CCDC38: variants seen among roughly 807,000 people sequenced by gnomAD.
The protein encoded by CCDC38 is coiled-coil domain containing 38.
A neutral mutation model predicts 72.8 loss-of-function variants in CCDC38; 69 were observed. That is an observed-to-expected ratio of 0.95 (90% CI 0.78 to 1.16). The LOEUF is 1.16. Ranked by LOEUF, CCDC38 falls within the 50% of genes most tolerant of loss-of-function variation. The pLI, the probability that CCDC38 is intolerant of heterozygous loss-of-function variation, is 0.00. For missense variants in CCDC38, 626 were observed against 638.9 expected, an observed-to-expected ratio of 0.98 and a Z score of 0.22; for synonymous variants, 201 against 213.2, an observed-to-expected ratio of 0.94 and a Z score of 0.50.
intron 1 of CCDC38, among the ~76,000 whole-genome samples, 168 bp downstream of exon 1, chr12:95,942,263 T>A (rs939402623): frequency 7.2e-5 from 11 of 152,090 alleles, no homozygotes; most frequent in Non-Finnish European, 1.6e-4. Context: ...AGTGTTTCCA[T>A]AGCAATTGGT....
chr12:95,896,642 G>A (rs1273763545), intron 7 of CCDC38: 2 of 152,162 alleles, frequency 1.3e-5, no homozygotes, highest in African/African-American at 4.8e-5. Flanking sequence ...CAAAGAACAC[G>A]AGGTGACAAT....
chr12:95,898,332 G>A (rs1025320751), intron 7 of CCDC38, 53 bp downstream of exon 7: 2 of 1,543,170 alleles, frequency 1.3e-6, no homozygotes. Context: ...GGCATGAATA[G>A]GTTTTAATGG....
At chr12:95,900,764 C>T (rs2079942158) in intron 5 of CCDC38, among the ~76,000 whole-genome samples, 1 of 151,982 alleles carries the variant, frequency 6.6e-6, no homozygotes, top group South Asian at 2.1e-4. Flanking sequence ...GTTATATGTT[C>T]TCAAAAAAAT....
chr12:95,900,597 A>G (rs965231130), intron 5 of CCDC38, among the ~76,000 whole-genome samples: 1 of 152,142 alleles, frequency 6.6e-6, no homozygotes, highest in African/African-American at 2.4e-5. Flanking sequence ...TTGCTTTTGG[A>G]TCTATTTCTT....
Position 95,890,698 on chromosome 12 carries a change from C to A in CCDC38, c.871+134G>T. 4 of 550,708 alleles carry A rather than the reference C, an allele frequency of 7.3e-6. No homozygotes were observed. In the South Asian group the frequency reaches 1.0e-4, roughly 14 times the overall value. 34.1% of individuals were successfully genotyped at this position (550,708 alleles called of 1,614,324 possible). On this transcript the variant is annotated intron_variant, in intron 9 of 15. Transcript: ENST00000344280. ...GATAACGTGAGAGAGAGAACCAGAG[C>A]CCCTGGCTGCTAGGATTGAGGGTGG...
chr12:95,932,514 CG>C (rs1565969716), intron 2 of CCDC38, among the ~76,000 whole-genome samples: 2 of 151,968 alleles, frequency 1.3e-5, no homozygotes, highest in East Asian at 3.9e-4. Context: ...TGTCTCCAAT[CG>C]TACTGATGTA....
At chr12:95,883,736 A>T (rs1434810456) in intron 10 of CCDC38, among the ~76,000 whole-genome samples, 2 of 152,144 alleles carry the variant, frequency 1.3e-5, no homozygotes, top group Non-Finnish European at 2.9e-5. Flanking sequence ...GAGGGCAGAG[A>T]TTATCTTTTG....
At chr12:95,875,649 TAAG>T (rs1191175617) in intron 13 of CCDC38, among the ~76,000 whole-genome samples, 1 of 152,190 alleles carries the variant, frequency 6.6e-6, no homozygotes, top group Non-Finnish European at 1.5e-5. Context: ...GAAAAAATCC[TAAG>T]AATACGTTTC....
chr12:95,941,757 A>G (rs2080453416), intron 1 of CCDC38, among the ~76,000 whole-genome samples: 1 of 152,210 alleles, frequency 6.6e-6, no homozygotes, highest in Non-Finnish European at 1.5e-5. Flanking sequence ...AGACATAGAA[A>G]TATATGTATG....
At chr12:95,872,490 C>T (rs2079592013) in intron 13 of CCDC38, 30 bp from the exon 14 acceptor site, 1 of 1,368,706 alleles carries the variant, frequency 7.3e-7, no homozygotes, top group Non-Finnish European at 1.0e-6. Flanking sequence ...AAAACATTAA[C>T]ATCACATTCC....
At chr12:95,936,809 C>T (rs2080399522) in intron 1 of CCDC38, among the ~76,000 whole-genome samples, 1 of 152,242 alleles carries the variant, frequency 6.6e-6, no homozygotes, top group Non-Finnish European at 1.5e-5. Flanking sequence ...TCCAGTTGGC[C>T]CTTAAAATGA....
chr12:95,869,585 A>ATGTTTCTCCCTTCTTGT lies in CCDC38; in HGVS notation c.1485-13_1485-12insACAAGAAGGGAGAAACA. On this transcript the variant is annotated splice_polypyrimidine_tract_variant and intron_variant, in intron 14 of 15. Coordinates refer to ENST00000344280, the MANE Select transcript of CCDC38 (RefSeq NM_182496.3). ...TCTCATCACGAAACCTGTCACAAGAAGGGAGAAACATTCTTGTAACTATAA... is the reference window on the plus strand; with the variant it reads ...TCTCATCACGAAACCTGTCACAAGAATGTTTCTCCCTTCTTGTGGGAGAAACATTCTTGTAACTATAA... 6.3e-7 allele frequency: 1 copy of ATGTTTCTCCCTTCTTGT among 1,588,738 alleles called. No individual in the cohort carries two copies. Among genetic ancestry groups the ATGTTTCTCCCTTCTTGT allele is most frequent in the Non-Finnish European group, 8.6e-7 (1 of 1,158,468 alleles).
At chr12:95,935,736 T>A (rs945712673) in intron 2 of CCDC38, among the ~76,000 whole-genome samples, 4 of 152,218 alleles carry the variant, frequency 2.6e-5, no homozygotes, top group African/African-American at 9.7e-5. Context: ...AAGAGAAAAT[T>A]GTAATTCCTT....
intron 2 of CCDC38, among the ~76,000 whole-genome samples, chr12:95,922,881 T>C (rs549225198): frequency 6.6e-6 from 1 of 152,216 alleles, no homozygotes; most frequent in South Asian, 2.1e-4. Flanking sequence ...ATTGTGTGCG[T>C]CAACTTGACT....
At chr12:95,887,549 T>A (rs1446394236) in intron 10 of CCDC38, among the ~76,000 whole-genome samples, 1 of 152,206 alleles carries the variant, frequency 6.6e-6, no homozygotes. Context: ...ATTCTTGGAA[T>A]AACACAATCA....
chr12:95,911,979 C>G (rs1400145392), intron 4 of CCDC38, among the ~76,000 whole-genome samples: 2 of 152,180 alleles, frequency 1.3e-5, no homozygotes, highest in East Asian at 3.8e-4. Flanking sequence ...TGCCCATCAA[C>G]AGTGGACTGG....
chr12:95,881,563 G>C lies in CCDC38; in HGVS notation c.921-9C>G. On this transcript the variant is annotated splice_polypyrimidine_tract_variant and intron_variant, in intron 10 of 15. Coordinates refer to ENST00000344280, the MANE Select transcript of CCDC38 (RefSeq NM_182496.3). ...CGAAACTTTCAGCCAGGCTGTAAAA[G>C]AAAAAAGAAAAAGAAAATGTCTGAT... The C allele has an allele frequency of 1.2e-6, 2 of 1,601,842 alleles. No homozygotes were observed.
intron 2 of CCDC38, among the ~76,000 whole-genome samples, chr12:95,931,991 G>A (rs2080343197): frequency 6.6e-6 from 1 of 152,128 alleles, no homozygotes; most frequent in Non-Finnish European, 1.5e-5. Flanking sequence ...AGAAAGGCTA[G>A]TGTAGCTGGA....
intron 1 of CCDC38, among the ~76,000 whole-genome samples, chr12:95,941,699 G>A (rs931073334): frequency 5.3e-5 from 8 of 152,134 alleles, no homozygotes; most frequent in Non-Finnish European, 5.9e-5. Flanking sequence ...CTGTGAATTA[G>A]TGACTTTATG....
Sources: gnomAD v4.1 joint callset for allele counts (sites outside exome capture counted in the v4.1 genomes callset) on GRCh38, gnomAD v4.1.1 for gene constraint, MANE v1.5 for transcripts, NCBI Gene and HGNC (gene_info 2026-07-23, HGNC 2026-07-21) for gene names.